Variants in ATP6V1C1 observed in about 807,000 individuals in gnomAD.
ATP6V1C1 encodes the protein V-type proton ATPase subunit C 1.
Under a neutral mutation model 53.9 loss-of-function variants are expected in ATP6V1C1, and 45 were observed. That is an observed-to-expected ratio of 0.83 (90% CI 0.66 to 1.07). ATP6V1C1 has a LOEUF of 1.07. Among genes scored for constraint, ATP6V1C1 ranks in the 50% least tolerant of loss-of-function variants. The pLI is 0.00. For missense variants in ATP6V1C1, 315 were observed against 440.3 expected, an observed-to-expected ratio of 0.72 and a Z score of 2.55; for synonymous variants, 153 against 155.2, an observed-to-expected ratio of 0.99 and a Z score of 0.11.
chr8:103,061,831 C>T (rs1448084263), intron 8 of ATP6V1C1, among the ~76,000 whole-genome samples: 2 of 152,232 alleles, frequency 1.3e-5, no homozygotes, highest in African/African-American at 4.8e-5. Context: ...TGTGGAACAG[C>T]TGCCTGTGCA....
chr8:103,034,502 C>A (rs1816856705), intron 1 of ATP6V1C1, among the ~76,000 whole-genome samples: 2 of 151,816 alleles, frequency 1.3e-5, no homozygotes, highest in Non-Finnish European at 2.9e-5. Flanking sequence ...TAAAGACATA[C>A]ATATTCATCT....
At chr8:103,033,462 T>A (rs1299802854) in intron 1 of ATP6V1C1, among the ~76,000 whole-genome samples, 1 of 152,182 alleles carries the variant, frequency 6.6e-6, no homozygotes, top group African/African-American at 2.4e-5. Context: ...TCAGCAAATA[T>A]CTTCTGAGAT....
At chr8:103,035,421 G>A (rs970189006) in intron 1 of ATP6V1C1, among the ~76,000 whole-genome samples, 2 of 152,168 alleles carry the variant, frequency 1.3e-5, no homozygotes, top group African/African-American at 4.8e-5. Flanking sequence ...GGGTTTCACA[G>A]AGAAGAAGAT....
chr8:103,031,816 T>C (rs1816800872), intron 1 of ATP6V1C1, among the ~76,000 whole-genome samples: 1 of 152,086 alleles, frequency 6.6e-6, no homozygotes, highest in African/African-American at 2.4e-5. Flanking sequence ...TTAACATACA[T>C]GTGATCTTGT....
chr8:103,024,122 A>G (rs1414021156), intron 1 of ATP6V1C1, among the ~76,000 whole-genome samples: 3 of 152,176 alleles, frequency 2.0e-5, no homozygotes, highest in Non-Finnish European at 4.4e-5. Flanking sequence ...AGTGAGTCTC[A>G]AATTATGCTG....
intron 8 of ATP6V1C1, among the ~76,000 whole-genome samples, chr8:103,058,054 C>T (rs970796486): frequency 1.3e-5 from 2 of 152,108 alleles, no homozygotes; most frequent in African/African-American, 2.4e-5. Context: ...GATGGACATA[C>T]GCCAACCCAG....
At chr8:103,050,995 A>C in intron 4 of ATP6V1C1, 55 bp from the exon 5 acceptor site, 1 of 1,262,548 alleles carries the variant, frequency 7.9e-7, no homozygotes, top group Non-Finnish European at 1.1e-6. Flanking sequence ...GCTGTGTAAA[A>C]AACTGAACAA....
At chr8:103,035,222 A>G (rs1048545510) in intron 1 of ATP6V1C1, among the ~76,000 whole-genome samples, 5 of 152,138 alleles carry the variant, frequency 3.3e-5, no homozygotes, top group Admixed American at 2.0e-4. Flanking sequence ...TTTTTACTGT[A>G]AAATAAGGGT....
rs1014982375 is a variant in ATP6V1C1 at position 103,069,533 on chromosome 8, A to G, written c.*786A>G. 1.3e-5 allele frequency: 2 copies of G among 152,220 alleles called. No individual in the cohort carries two copies. The highest frequency in any genetic ancestry group is 4.8e-5 in the African/African-American group (2 of 41,448). The allele number at this position is 152,220 out of a possible 1,614,324, so 9.4% of individuals were successfully genotyped here. ...AGGTCTCTCAAATAATTAAGAATAG[A>G]GCCAGTTTTGAATAAAGTCTAGCAG... On this transcript the variant is annotated 3_prime_UTR_variant, in exon 13 of 13. Coordinates refer to ENST00000518738, the MANE Select transcript of ATP6V1C1 (RefSeq NM_001695.5).
At position 103,051,153 on chromosome 8, in the gene ATP6V1C1, A is replaced by G; in HGVS notation, c.381+9A>G. ...CTGAAATAATTGCCAAGGTAAGATA[A>G]TACTTGAGACAAGTAGGACACATTG... On this transcript the variant is annotated intron_variant, in intron 5 of 12. Coordinates refer to ENST00000518738, the MANE Select transcript of ATP6V1C1 (RefSeq NM_001695.5). The G allele has an allele frequency of 1.3e-6, 2 of 1,563,596 alleles. No homozygotes were observed. The highest frequency in any genetic ancestry group is 1.8e-6 in the Non-Finnish European group (2 of 1,137,340).
intron 3 of ATP6V1C1, among the ~76,000 whole-genome samples, chr8:103,047,487 C>A (rs1179299913): frequency 1.4e-5 from 2 of 140,286 alleles, no homozygotes; most frequent in Admixed American, 7.4e-5. Flanking sequence ...GGAAAAAAAA[C>A]CATTACAGGA....
Position 103,072,226 on chromosome 8 carries a change from C to T in ATP6V1C1, c.*3479C>T, listed in dbSNP as rs1374872232. On this transcript the variant is annotated 3_prime_UTR_variant, in exon 13 of 13. Transcript: ENST00000518738. ...CTTTAAAGTAACACTTTGTACATAA[C>T]AAATACTCAGCAAATGTGAAACTTT... The T allele has an allele frequency of 6.6e-6, 1 of 152,146 alleles. No individual in the cohort carries two copies. The highest frequency in any genetic ancestry group is 1.5e-5 in the Non-Finnish European group (1 of 68,020). 9.4% of individuals were successfully genotyped at this position (152,146 alleles called of 1,614,324 possible). A position where few individuals can be genotyped will look rare whatever the true frequency, so the allele number is the denominator to read the frequency against.
intron 8 of ATP6V1C1, among the ~76,000 whole-genome samples, chr8:103,060,390 A>G (rs1346180416): frequency 3.3e-5 from 5 of 152,212 alleles, no homozygotes; most frequent in South Asian, 2.1e-4. Flanking sequence ...TCAAACTTCC[A>G]CCTGGTATCA....
intron 7 of ATP6V1C1, among the ~76,000 whole-genome samples, chr8:103,054,739 A>G (rs1817259241): frequency 6.6e-6 from 1 of 152,040 alleles, no homozygotes. Context: ...TAGCACTATT[A>G]ATGGTTTCAC....
At position 103,053,904 on chromosome 8, in the gene ATP6V1C1, G is replaced by C. The variant is rs529569062; in HGVS notation, c.494G>C (p.Ser165Thr). 1.9e-6 allele frequency: 3 copies of C among 1,611,558 alleles called. No individual in the cohort carries two copies. The highest frequency in any genetic ancestry group is 2.7e-5 in the African/African-American group (2 of 74,930). Residue 165 changes from serine (S) to threonine (T), a missense_variant, in exon 7 of 13, where the codon AGT becomes ACT. By Grantham distance (58) the Ser-to-Thr change is moderately conservative. Transcript: ENST00000518738. ...RKNAGSLLTRSLAEIVKKDDF... is the reference protein window; with the variant it reads ...RKNAGSLLTRTLAEIVKKDDF... ...CTCAGAGGAAGTTTGCTAACTAGAA[G>C]TCTAGCAGAAATTGTGAAGAAGGAT... is the stretch of plus-strand genomic sequence containing the variant.
At chr8:103,022,800 A>G (rs1816621543) in intron 1 of ATP6V1C1, among the ~76,000 whole-genome samples, 1 of 152,042 alleles carries the variant, frequency 6.6e-6, no homozygotes, top group Non-Finnish European at 1.5e-5. Context: ...TATAATCCCA[A>G]CATTTTGGGA....
intron 1 of ATP6V1C1, among the ~76,000 whole-genome samples, chr8:103,028,082 T>A (rs954909894): frequency 6.6e-6 from 1 of 152,236 alleles, no homozygotes; most frequent in Non-Finnish European, 1.5e-5. Context: ...TGCCTAATGC[T>A]GTTAATGACA....
intron 6 of ATP6V1C1, 149 bp downstream of exon 6, chr8:103,052,971 C>A: frequency 2.1e-6 from 1 of 466,300 alleles, no homozygotes; most frequent in Non-Finnish European, 3.7e-6. Flanking sequence ...GAAAAGCTCA[C>A]TAAGGTAAGT....
intron 4 of ATP6V1C1, 111 bp downstream of exon 4, chr8:103,049,066 T>C: frequency 1.1e-6 from 1 of 913,826 alleles, no homozygotes; most frequent in African/African-American, 1.7e-5. Flanking sequence ...CTAAATACAA[T>C]AGAAAGCCAT....
Sources: allele counts gnomAD v4.1 joint callset (sites outside exome capture counted in the v4.1 genomes callset), GRCh38; gene constraint gnomAD v4.1.1; transcripts MANE v1.5; gene names NCBI Gene and HGNC (gene_info 2026-07-23, HGNC 2026-07-21).